Variants in PRELID2 observed in about 807,000 individuals in gnomAD.
The protein encoded by PRELID2 is PRELI domain-containing protein 2.
A neutral mutation model predicts 28.4 loss-of-function variants in PRELID2; 25 were observed. The observed-to-expected ratio is 0.88, with a 90% CI of 0.64 to 1.23. The LOEUF is 1.23. PRELID2 is among the 50% of genes most tolerant of loss of function. The pLI is 0.00. For missense variants in PRELID2, 201 were observed against 214.4 expected, an observed-to-expected ratio of 0.94 and a Z score of 0.39; for synonymous variants, 76 against 71.6, an observed-to-expected ratio of 1.06 and a Z score of -0.31.
At chr5:145,798,005 C>A (rs1417214622) in intron 4 of PRELID2, among the ~76,000 whole-genome samples, 1 of 151,574 alleles carries the variant, frequency 6.6e-6, no homozygotes, top group Non-Finnish European at 1.5e-5. Flanking sequence ...ATGAGACTAT[C>A]AACAAAAAGA....
chr5:145,608,958 C>T (rs1338442331), intron 1 of PRELID2, among the ~76,000 whole-genome samples: 1 of 152,056 alleles, frequency 6.6e-6, no homozygotes, highest in Non-Finnish European at 1.5e-5. Flanking sequence ...GTTCATTCTT[C>T]TTTAATTTTT....
At chr5:145,686,434 C>T (rs1755039456) in intron 1 of PRELID2, among the ~76,000 whole-genome samples, 1 of 152,130 alleles carries the variant, frequency 6.6e-6, no homozygotes, top group Non-Finnish European at 1.5e-5. Flanking sequence ...CCCAGCCCCA[C>T]CATGCCCTTA....
At chr5:145,544,302 C>A (rs1752768369) in intron 1 of PRELID2, among the ~76,000 whole-genome samples, 1 of 152,066 alleles carries the variant, frequency 6.6e-6, no homozygotes, top group African/African-American at 2.4e-5. Flanking sequence ...TGCCTAGAAA[C>A]CACCAAGATC....
chr5:145,500,148 T>C lies in PRELID2; in HGVS notation n.71-26833A>G, dbSNP rs149668876. 9.8e-3 allele frequency among the ~76,000 whole-genome samples: 1,488 copies of C among 152,210 alleles called. 18 individuals are homozygous for C. Among genetic ancestry groups the C allele is most frequent in the African/African-American group, 0.028 (1,167 of 41,548 alleles). On this transcript the variant is annotated intron_variant and non_coding_transcript_variant, in intron 1 of 2. Transcript: ENST00000510259. ...GTCTGGATCTGTGTCCCCACCAAAA[T>C]CTCATATGGAATTATAATGCCCAGT... is the stretch of plus-strand genomic sequence containing the variant.
intron 1 of PRELID2, among the ~76,000 whole-genome samples, chr5:145,640,796 C>T (rs1328519649): frequency 6.6e-6 from 1 of 152,154 alleles, no homozygotes; most frequent in Non-Finnish European, 1.5e-5. Context: ...GTAATGAAGA[C>T]AGCATGATAT....
At chr5:145,421,728 T>C in the PRELID2 span, among the ~76,000 whole-genome samples, 1 of 144,604 alleles carries the variant, frequency 6.9e-6, no homozygotes. Flanking sequence ...TTGTCTCTAT[T>C]TCCTTCAGTT....
At chr5:145,744,483 TC>T (rs1254924292) in intron 1 of PRELID2, among the ~76,000 whole-genome samples, 2 of 152,074 alleles carry the variant, frequency 1.3e-5, no homozygotes, top group East Asian at 3.9e-4. Flanking sequence ...AGGTCAGAGA[TC>T]CCAGAAGAAA....
At chr5:145,764,859 G>A in intron 6 of PRELID2, 72 bp downstream of exon 6, 2 of 1,129,474 alleles carry the variant, frequency 1.8e-6, no homozygotes. Context: ...GGAGGCTGCT[G>A]TAGAATACCA....
At position 145,713,538 on chromosome 5, in the gene PRELID2, T is replaced by TTA. The variant is rs1042076390; in HGVS notation, n.70+51391_70+51392dup. 5.6e-4 allele frequency among the ~76,000 whole-genome samples: 80 copies of TTA among 143,004 alleles called. 1 individual carries two copies. The highest frequency in any genetic ancestry group is 1.9e-3 in the Admixed American group (27 of 14,056). 93.8% of individuals were successfully genotyped at this position (143,004 alleles called of 152,430 possible). On this transcript the variant is annotated intron_variant and non_coding_transcript_variant, in intron 1 of 2. Transcript: ENST00000510259. ...AATGGAATTACATTTTTAAAGTGCT[T>TTA]TATATATATATACTTTTTATATATA...
chr5:145,410,500 G>C, the PRELID2 span, among the ~76,000 whole-genome samples: 1 of 152,184 alleles, frequency 6.6e-6, no homozygotes, highest in Non-Finnish European at 1.5e-5. Context: ...TTACTGTTCT[G>C]CATGGTTTGG....
chr5:145,240,567 C>T, the PRELID2 span, among the ~76,000 whole-genome samples: 1 of 151,944 alleles, frequency 6.6e-6, no homozygotes, highest in Non-Finnish European at 1.5e-5. Flanking sequence ...TACTTATTAT[C>T]AGGCAGCTGG....
chr5:145,435,111 C>T, the PRELID2 span, among the ~76,000 whole-genome samples: 3 of 152,290 alleles, frequency 2.0e-5, no homozygotes, highest in East Asian at 3.9e-4. Flanking sequence ...GTGGGCAAGA[C>T]AAAACCTTCA....
chr5:145,740,380 T>C (rs1308894862), intron 1 of PRELID2, among the ~76,000 whole-genome samples: 1 of 132,482 alleles, frequency 7.5e-6, no homozygotes. Context: ...CAAAAATTTA[T>C]AGAACTGAAA....
the PRELID2 span, among the ~76,000 whole-genome samples, chr5:145,324,026 T>C: frequency 6.6e-6 from 1 of 152,230 alleles, no homozygotes; most frequent in Non-Finnish European, 1.5e-5. Context: ...TGAACTTCTT[T>C]GAGAAATCAC....
chr5:145,666,007 GAAAGA>G (rs1754585164), intron 1 of PRELID2, among the ~76,000 whole-genome samples: 1 of 142,816 alleles, frequency 7.0e-6, no homozygotes. Context: ...AAAAAAGAAA[GAAAGA>G]AAGAAAGTAC....
chr5:145,575,710 C>A (rs527478891), intron 1 of PRELID2, among the ~76,000 whole-genome samples: 7 of 152,060 alleles, frequency 4.6e-5, no homozygotes, highest in Non-Finnish European at 7.4e-5. Flanking sequence ...ATAAAAGTAG[C>A]CCTTCATTAT....
the PRELID2 span, among the ~76,000 whole-genome samples, chr5:145,344,357 C>G: frequency 6.6e-6 from 1 of 151,906 alleles, no homozygotes; most frequent in Admixed American, 6.6e-5. Flanking sequence ...CATATGCAAA[C>G]TGATAAATGA....
intron 1 of PRELID2, among the ~76,000 whole-genome samples, chr5:145,726,850 C>T (rs1387302931): frequency 2.0e-5 from 3 of 152,128 alleles, no homozygotes; most frequent in Admixed American, 6.5e-5. Context: ...GCTTGCTCTG[C>T]CCACACAAAT....
the PRELID2 span, among the ~76,000 whole-genome samples, chr5:145,290,363 A>G: frequency 3.3e-5 from 5 of 151,898 alleles, no homozygotes; most frequent in South Asian, 2.1e-4. Flanking sequence ...ATGTCCATCA[A>G]TGATAGACTG....
Sources: gnomAD v4.1 joint callset for allele counts (sites outside exome capture counted in the v4.1 genomes callset) on GRCh38, gnomAD v4.1.1 for gene constraint, MANE v1.5 for transcripts, NCBI Gene and HGNC (gene_info 2026-07-23, HGNC 2026-07-21) for gene names.